The following SEMA6B variants were observed in gnomAD, a reference collection of about 807,000 sequenced individuals.
SEMA6B encodes the protein semaphorin 6B.
In SEMA6B, 47 loss-of-function variants were observed where a neutral mutation model predicts 78.6. The ratio of observed to expected loss-of-function variants is 0.60; its 90% CI spans 0.47 to 0.76. SEMA6B has a LOEUF of 0.76. Among genes scored for constraint, SEMA6B ranks in the 30% least tolerant of loss-of-function variants. The pLI, the probability that SEMA6B is intolerant of heterozygous loss-of-function variation, is 0.00. For synonymous variants in SEMA6B, 632 were observed against 592.2 expected (o/e 1.07, Z -0.98); for missense variants, 1,213 against 1,269.9 (o/e 0.96, Z 0.68).
intron 10 of SEMA6B, among the ~76,000 whole-genome samples, chr19:4,551,440 G>A (rs1043676395): frequency 2.0e-5 from 3 of 151,618 alleles, no homozygotes; most frequent in East Asian, 2.0e-4. Context: ...GGCTGGTTTC[G>A]AACTCCTGAC....
rs1211333017 is a variant in SEMA6B, at chr19:4,552,235, T to C, written c.989+187A>G. Among the ~76,000 whole-genome samples the C allele has an allele frequency of 2.0e-5, 3 of 152,128 alleles. No homozygotes were observed. Among genetic ancestry groups the C allele is most frequent in the African/African-American group, 7.2e-5 (3 of 41,414 alleles). ...AGGATGAGGATATCTTTGGCCCAGT[T>C]CTGACCAAAGGGACTTAGAGGGTCA... On this transcript the variant is annotated intron_variant, in intron 10 of 16. Transcript: ENST00000586582. This position sits in a 1 kb window ranked among gnomAD's most constrained non-coding sequence, Gnocchi z 7.4.
At chr19:4,547,293 G>T (rs1248553914) in intron 14 of SEMA6B, among the ~76,000 whole-genome samples, 1 of 152,132 alleles carries the variant, frequency 6.6e-6, no homozygotes, top group Admixed American at 6.5e-5. Flanking sequence ...GCAACTTCTG[G>T]AGTCCTTAGA....
At chr19:4,553,728 ATGGGTGGG>A (rs1181448579) in intron 9 of SEMA6B, among the ~76,000 whole-genome samples, 2 of 84,188 alleles carry the variant, frequency 2.4e-5, no homozygotes, top group East Asian at 3.3e-4. Flanking sequence ...GGATGGATGG[ATGGGTGGG>A]TGGGTGGGTG....
Position 4,550,370 on chromosome 19 carries a change from G to GGTTTTTT in SEMA6B, c.1122-105_1122-99dup. 1.8e-5 allele frequency: 23 copies of GGTTTTTT among 1,243,990 alleles called. 1 individual carries two copies. The South Asian group carries it at 2.8e-4, about 15-fold the overall frequency. 77.1% of individuals were successfully genotyped at this position (1,243,990 alleles called of 1,614,324 possible). A position where few individuals can be genotyped will look rare whatever the true frequency, so the allele number is the denominator to read the frequency against. ...CCATTGCTTTGCCCAACGACCCTCA[G>GGTTTTTT]GTTTTTTGTTTGTTTTGTTTTTGAG... On this transcript the variant is annotated intron_variant, in intron 11 of 16. Coordinates refer to ENST00000586582, the MANE Select transcript of SEMA6B (RefSeq NM_032108.4). The surrounding 1 kb of genome is among the most constrained non-coding windows in gnomAD (Gnocchi z 6.6).
In SEMA6B at chr19:4,548,511, G is replaced by A. The variant is rs760905139; in HGVS notation, c.1272-66C>T. 8.1e-6 allele frequency: 12 copies of A among 1,472,648 alleles called. No homozygotes were observed. In the Admixed American group the frequency reaches 8.7e-5, roughly 11 times the overall value. The allele number at this position is 1,472,648 out of a possible 1,614,324, so 91.2% of individuals were successfully genotyped here. A position where few individuals can be genotyped will look rare whatever the true frequency, so the allele number is the denominator to read the frequency against. On this transcript the variant is annotated intron_variant, in intron 12 of 16. Coordinates refer to ENST00000586582, the MANE Select transcript of SEMA6B (RefSeq NM_032108.4). ...CACCACATGCCACCAACACGGGCAT[G>A]GCCATAGTTACACGGGTGCATACAG... is the stretch of plus-strand genomic sequence containing the variant.
At position 4,550,214 on chromosome 19, in the gene SEMA6B, C is replaced by T. The variant is rs1425583221; in HGVS notation, c.1180G>A (p.Asp394Asn). The T allele has an allele frequency of 6.2e-7, 1 of 1,613,774 alleles. No homozygotes were observed. Among genetic ancestry groups the T allele is most frequent in the East Asian group, 2.2e-5 (1 of 44,872 alleles). ...TGGGTCTTGACAAAGTTGAGGATGT[C>T]ATCCGGCAAGGCGCTGGAGGCATTG... ...QYNASSALPD[D>N]ILNFVKTHPL... is the part of the protein sequence containing the mutation. Residue 394 changes from aspartate (D) to asparagine (N), a missense_variant, in exon 12 of 17, where the codon GAC (aspartate) becomes AAC (asparagine). Transcript: ENST00000586582. This position sits in a 1 kb window ranked among gnomAD's most constrained non-coding sequence, Gnocchi z 6.6.
Position 4,544,682 on chromosome 19 carries a change from C to G in SEMA6B, c.1739-153G>C, listed in dbSNP as rs1198064613. 6.6e-6 allele frequency among the ~76,000 whole-genome samples: 1 copy of G among 152,114 alleles called. No individual in the cohort carries two copies. The highest frequency in any genetic ancestry group is 2.4e-5 in the African/African-American group (1 of 41,426). On this transcript the variant is annotated intron_variant, in intron 16 of 16. Coordinates refer to ENST00000586582, the MANE Select transcript of SEMA6B (RefSeq NM_032108.4). The surrounding 1 kb of genome is among the most constrained non-coding windows in gnomAD (Gnocchi z 5.1). ...AAGGAGTCTTCCTTTGTGTGCCAGG[C>G]TGGAGTGCAGTGGGGCGATCTCGAT... is the stretch of plus-strand genomic sequence containing the variant.
intron 3 of SEMA6B, 76 bp downstream of exon 3, chr19:4,557,950 T>C: frequency 3.3e-6 from 4 of 1,230,196 alleles, no homozygotes; most frequent in Non-Finnish European, 4.2e-6. Context: ...ATCCCCTCCC[T>C]GCCCTCGCCT....
intron 9 of SEMA6B, among the ~76,000 whole-genome samples, chr19:4,553,862 G>C (rs1350251839): frequency 6.6e-6 from 1 of 151,766 alleles, no homozygotes; most frequent in Non-Finnish European, 1.5e-5. Context: ...ATAGATGGAT[G>C]GATAGGTGGA....
At chr19:4,549,762 G>A (rs1292428501) in intron 12 of SEMA6B, among the ~76,000 whole-genome samples, 2 of 152,086 alleles carry the variant, frequency 1.3e-5, no homozygotes, top group Non-Finnish European at 2.9e-5. Flanking sequence ...ACAGGCGTGA[G>A]CCACCATGCC....
Position 4,543,464 on chromosome 19 carries a change from GC to G in SEMA6B, c.*136del, listed in dbSNP as rs770076694. The G allele has an allele frequency of 1.2e-5, 5 of 406,128 alleles. No individual in the cohort carries two copies. Among genetic ancestry groups the G allele is most frequent in the African/African-American group, 4.1e-5 (2 of 48,504 alleles). 25.2% of individuals were successfully genotyped at this position (406,128 alleles called of 1,614,324 possible). A position where few individuals can be genotyped will look rare whatever the true frequency, so the allele number is the denominator to read the frequency against. On this transcript the variant is annotated 3_prime_UTR_variant, in exon 17 of 17. Coordinates refer to ENST00000586582, the MANE Select transcript of SEMA6B (RefSeq NM_032108.4). ...GTTGTGCTTCCTTGTGGCGGAGGGGGCCCCCCACTCCGCGGGTGGGTCGCGG... is the reference window on the plus strand; with the variant it reads ...GTTGTGCTTCCTTGTGGCGGAGGGGGCCCCCACTCCGCGGGTGGGTCGCGG...
At chr19:4,553,521 T>C (rs573243299) in intron 9 of SEMA6B, among the ~76,000 whole-genome samples, 1 of 148,048 alleles carries the variant, frequency 6.8e-6, no homozygotes, top group South Asian at 2.2e-4. Flanking sequence ...GGCAGATAAA[T>C]GGATGGATAG....
intron 10 of SEMA6B, among the ~76,000 whole-genome samples, chr19:4,551,462 T>C (rs1324519291): frequency 2.0e-5 from 3 of 151,638 alleles, no homozygotes; most frequent in African/African-American, 7.3e-5. Flanking sequence ...TCAAGTGATC[T>C]GCCCTCCTCA....
chr19:4,547,069 C>T (rs1268546686), intron 14 of SEMA6B, among the ~76,000 whole-genome samples: 3 of 152,036 alleles, frequency 2.0e-5, no homozygotes, highest in African/African-American at 7.3e-5. Context: ...AAGTGATCCT[C>T]CTGCCTCAGC....
At position 4,543,407 on chromosome 19, in the gene SEMA6B, C is replaced by T; in HGVS notation, c.*194G>A. The T allele has an allele frequency of 3.4e-6, 1 of 295,114 alleles. No individual in the cohort carries two copies. The highest frequency in any genetic ancestry group is 6.1e-6 in the Non-Finnish European group (1 of 162,694). The allele number at this position is 295,114 out of a possible 1,614,324, so 18.3% of individuals were successfully genotyped here. ...ACCCACCCCCAAACCGTCTCAGCGT[C>T]CTGCGGCCCCGGGTAGGGGGAGGGC... is the stretch of plus-strand genomic sequence containing the variant. On this transcript the variant is annotated 3_prime_UTR_variant, in exon 17 of 17. Transcript: ENST00000586582.
At position 4,548,293 on chromosome 19, in the gene SEMA6B, A is replaced by G. The variant is rs896596224; in HGVS notation, c.1424T>C (p.Leu475Pro). The G allele has an allele frequency of 1.2e-6, 2 of 1,613,430 alleles. No homozygotes were observed. The highest frequency in any genetic ancestry group is 1.1e-5 in the South Asian group (1 of 91,082). The change falls in exon 13 of 17, where the codon CTG becomes CCG. Residue 475 changes from leucine to proline, a missense_variant. Physicochemically the swap from Leu to Pro is moderately conservative, Grantham distance 98. Coordinates refer to ENST00000586582, the MANE Select transcript of SEMA6B (RefSeq NM_032108.4). ...CGGCCGGTAGGTCTCAAACTCCTCC[A>G]GGAAGACACTGAGCCCAGACGTCCC... is the stretch of plus-strand genomic sequence containing the variant. ...TSGTSGLSVF[L>P]EEFETYRPDR...
rs1474384080 is a variant in SEMA6B at position 4,550,197 on chromosome 19, G to C, written c.1197C>G (p.Val399=). 4 of 1,612,810 alleles carry C rather than the reference G, an allele frequency of 2.5e-6. No individual in the cohort carries two copies. The African/African-American group carries it at 4.0e-5, about 16-fold the overall frequency. ...CCTCGTCCATCAGAGGGTGGGTCTT[G>C]ACAAAGTTGAGGATGTCATCCGGCA... ...SALPDDILNF[V]KTHPLMDEAV... is the part of the protein sequence containing the mutation. Residue 399 remains valine, a synonymous_variant, in exon 12 of 17, where the codon GTC becomes GTG. Coordinates refer to ENST00000586582, the MANE Select transcript of SEMA6B (RefSeq NM_032108.4). The surrounding 1 kb of genome is among the most constrained non-coding windows in gnomAD (Gnocchi z 6.6).
At position 4,557,225 on chromosome 19, in the gene SEMA6B, TG is replaced by T; in HGVS notation, c.246-3del. On this transcript the variant is annotated splice_polypyrimidine_tract_variant and splice_region_variant and intron_variant, in intron 3 of 16. Transcript: ENST00000586582. ...AGCTCTACGCGGTAGAGGTTGTCCC[TG>T]GGGGAGGGGCATAGTTAGTGAGAAC... 6.4e-7 allele frequency: 1 copy of T among 1,572,942 alleles called. No individual in the cohort carries two copies.
At position 4,543,587 on chromosome 19, in the gene SEMA6B, G is replaced by C. The variant is rs771977005; in HGVS notation, c.*14C>G. 1.7e-5 allele frequency: 20 copies of C among 1,206,106 alleles called. No homozygotes were observed. Among genetic ancestry groups the C allele is most frequent in the Non-Finnish European group, 2.0e-5 (19 of 961,430 alleles). The allele number at this position is 1,206,106 out of a possible 1,614,324, so 74.7% of individuals were successfully genotyped here. A position where few individuals can be genotyped will look rare whatever the true frequency, so the allele number is the denominator to read the frequency against. ...CCGTGGCTGGCACTGCCAAGGCATC[G>C]GGGGGCCCCCGGCCTAGGGCACGGG... On this transcript the variant is annotated 3_prime_UTR_variant, in exon 17 of 17. Coordinates refer to ENST00000586582, the MANE Select transcript of SEMA6B (RefSeq NM_032108.4).
Sources: gnomAD v4.1 joint callset for allele counts (sites outside exome capture counted in the v4.1 genomes callset) on GRCh38, gnomAD v4.1.1 for gene constraint, Gnocchi (gnomAD v3.1) non-coding constraint, MANE v1.5 for transcripts, NCBI Gene and HGNC (gene_info 2026-07-23, HGNC 2026-07-21) for gene names.